Variants in XRRA1 observed in about 807,000 individuals in gnomAD.
XRRA1 encodes X-ray radiation resistance associated 1.
XRRA1 carries 69 observed loss-of-function variants against 80.2 expected under a neutral mutation model. That is an observed-to-expected ratio of 0.86 (90% CI 0.71 to 1.05). XRRA1 has a LOEUF of 1.05. XRRA1 is among the 50% of genes least tolerant of loss of function. The pLI is 0.00. For missense variants in XRRA1, 967 were observed against 976.4 expected, an observed-to-expected ratio of 0.99 and a Z score of 0.13; for synonymous variants, 348 against 389.9, an observed-to-expected ratio of 0.89 and a Z score of 1.27.
At chr11:74,859,335 A>G in intron 11 of XRRA1, 52 bp from the exon 12 acceptor site, 1 of 1,553,398 alleles carries the variant, frequency 6.4e-7, no homozygotes, top group South Asian at 1.2e-5. Context: ...AAATAAGGCC[A>G]CTAAGGGCCA....
intron 12 of XRRA1, among the ~76,000 whole-genome samples, chr11:74,853,087 C>T (rs1371588759): frequency 6.6e-6 from 1 of 152,192 alleles, no homozygotes; most frequent in Non-Finnish European, 1.5e-5. Context: ...ATGAGCAAAA[C>T]AGACACAATT....
chr11:74,913,316 C>T (rs775436771), intron 8 of XRRA1, among the ~76,000 whole-genome samples: 1 of 152,194 alleles, frequency 6.6e-6, no homozygotes, highest in Non-Finnish European at 1.5e-5. Context: ...ATAATGATTC[C>T]TATGACATCC....
chr11:74,922,237 A>G (rs970598958), intron 7 of XRRA1, among the ~76,000 whole-genome samples: 1 of 143,644 alleles, frequency 7.0e-6, no homozygotes, highest in African/African-American at 2.6e-5. Flanking sequence ...AGCCTGGGCA[A>G]CAGAGCAAGA....
intron 11 of XRRA1, among the ~76,000 whole-genome samples, chr11:74,861,977 G>A (rs1242233205): frequency 6.6e-6 from 1 of 152,220 alleles, no homozygotes; most frequent in East Asian, 1.9e-4. Flanking sequence ...AAACTCAGGG[G>A]TCAGCGTCAG....
intron 10 of XRRA1, among the ~76,000 whole-genome samples, chr11:74,877,223 C>T (rs1267797302): frequency 6.6e-6 from 1 of 152,210 alleles, no homozygotes; most frequent in African/African-American, 2.4e-5. Flanking sequence ...CTCCCAATCA[C>T]ATCACAAGTC....
intron 10 of XRRA1, among the ~76,000 whole-genome samples, chr11:74,870,974 T>C (rs12575200): frequency 0.25 from 38,446 of 152,160 alleles, 5,779 homozygotes; most frequent in East Asian, 0.53. Flanking sequence ...TGTCTTAAAG[T>C]TAACCAGAAC....
intron 10 of XRRA1, among the ~76,000 whole-genome samples, chr11:74,889,649 C>T (rs952709509): frequency 6.6e-6 from 1 of 152,122 alleles, no homozygotes; most frequent in Non-Finnish European, 1.5e-5. Flanking sequence ...GTGCTGTGTT[C>T]AGGAAATCCA....
intron 10 of XRRA1, among the ~76,000 whole-genome samples, chr11:74,881,765 GA>G (rs1348864304): frequency 6.0e-5 from 9 of 150,150 alleles, no homozygotes; most frequent in Admixed American, 6.0e-4. Context: ...CTTCACTTAT[GA>G]AGCTTAGTTT....
chr11:74,924,207 G>A (rs1440466973), intron 7 of XRRA1, among the ~76,000 whole-genome samples: 1 of 151,252 alleles, frequency 6.6e-6, no homozygotes, highest in Non-Finnish European at 1.5e-5. Flanking sequence ...CGGGCGCGGT[G>A]GCTCACGCCT....
chr11:74,901,292 G>C (rs1388144392), intron 10 of XRRA1, among the ~76,000 whole-genome samples: 1 of 151,926 alleles, frequency 6.6e-6, no homozygotes, highest in Non-Finnish European at 1.5e-5. Context: ...AATTGAAAAG[G>C]ACACATAAAA....
intron 3 of XRRA1, 46 bp from the exon 4 acceptor site, chr11:74,937,114 A>T (rs1945184732): frequency 3.8e-6 from 6 of 1,576,126 alleles, no homozygotes; most frequent in Non-Finnish European, 5.2e-6. Flanking sequence ...CTCCAAAGCT[A>T]CAACGAGTGC....
At chr11:74,866,779 A>G (rs1250317103) in intron 10 of XRRA1, among the ~76,000 whole-genome samples, 1 of 151,986 alleles carries the variant, frequency 6.6e-6, no homozygotes, top group East Asian at 1.9e-4. Context: ...CAAAGATTAT[A>G]TGAAAATATA....
chr11:74,880,636 C>CT (rs1565306781), intron 10 of XRRA1, among the ~76,000 whole-genome samples: 7 of 151,236 alleles, frequency 4.6e-5, no homozygotes, highest in South Asian at 2.1e-4. Context: ...GCTTTGAATG[C>CT]GTCCCAGAGA....
intron 7 of XRRA1, among the ~76,000 whole-genome samples, chr11:74,925,634 G>A (rs1381888939): frequency 6.6e-6 from 1 of 152,094 alleles, no homozygotes; most frequent in Non-Finnish European, 1.5e-5. Flanking sequence ...CTTTCGTAAG[G>A]GTAGGTCTGC....
chr11:74,897,131 A>G (rs181412793), intron 10 of XRRA1, among the ~76,000 whole-genome samples: 5 of 149,140 alleles, frequency 3.4e-5, no homozygotes, highest in African/African-American at 1.3e-4. Context: ...GATAACACAA[A>G]GAAGGAATTC....
intron 18 of XRRA1, 130 bp downstream of exon 18, chr11:74,843,724 T>C: frequency 1.1e-6 from 1 of 890,004 alleles, no homozygotes; most frequent in Non-Finnish European, 1.7e-6. Context: ...TTTGTCCATC[T>C]ACATGTAGAG....
chr11:74,871,271 T>A (rs1187366417), intron 10 of XRRA1, among the ~76,000 whole-genome samples: 1 of 152,166 alleles, frequency 6.6e-6, no homozygotes, highest in East Asian at 1.9e-4. Context: ...TTTTAACAGA[T>A]GCCGAGGCTC....
At chr11:74,865,219 G>A (rs545532440) in intron 10 of XRRA1, among the ~76,000 whole-genome samples, 2 of 152,112 alleles carry the variant, frequency 1.3e-5, no homozygotes, top group Non-Finnish European at 2.9e-5. Context: ...GGACTTGCTA[G>A]GAGACACATG....
chr11:74,940,688 A>C, intron 3 of XRRA1, 97 bp downstream of exon 3: 1 of 966,074 alleles, frequency 1.0e-6, no homozygotes, highest in Non-Finnish European at 1.6e-6. Flanking sequence ...AGCAGGGAAC[A>C]GTAGTGAAGG....
Sources: gnomAD v4.1 joint callset for allele counts (sites outside exome capture counted in the v4.1 genomes callset) on GRCh38, gnomAD v4.1.1 for gene constraint, MANE v1.5 for transcripts, NCBI Gene and HGNC (gene_info 2026-07-23, HGNC 2026-07-21) for gene names.